The following MTFR1 variants were observed in gnomAD, a reference collection of about 807,000 sequenced individuals.
The protein encoded by MTFR1 is chondrocyte protein with a poly-proline region.
Under a neutral mutation model 38.8 loss-of-function variants are expected in MTFR1, and 28 were observed. The observed-to-expected ratio is 0.72, with a 90% CI of 0.53 to 0.99. The LOEUF (loss-of-function observed/expected upper bound fraction) is 0.99. Ranked by LOEUF, MTFR1 falls within the 50% of genes least tolerant of loss-of-function variation. The pLI is 0.00. For synonymous variants in MTFR1, 145 were observed against 137.0 expected, an observed-to-expected ratio of 1.06 and a Z score of -0.41; for missense variants, 358 against 395.5, an observed-to-expected ratio of 0.91 and a Z score of 0.81.
chr8:65,664,267 C>T (rs552755045), intron 1 of MTFR1, among the ~76,000 whole-genome samples: 1 of 152,100 alleles, frequency 6.6e-6, no homozygotes, highest in South Asian at 2.1e-4. Flanking sequence ...TTTGTAATAG[C>T]TAAAAACAGA....
At chr8:65,734,932 G>A in intron 3 of MTFR1, 2 of 1,263,854 alleles carry the variant, frequency 1.6e-6, no homozygotes, top group Non-Finnish European at 1.2e-6. Context: ...TATTGTATAT[G>A]AGCAACATAT....
intron 2 of MTFR1, among the ~76,000 whole-genome samples, chr8:65,677,737 G>A (rs946313069): frequency 1.3e-5 from 2 of 151,226 alleles, no homozygotes; most frequent in Non-Finnish European, 2.9e-5. Flanking sequence ...GGATTATCTT[G>A]CCAGGCTTGG....
intron 3 of MTFR1, among the ~76,000 whole-genome samples, chr8:65,742,687 A>G (rs1296790031): frequency 6.6e-6 from 1 of 152,196 alleles, no homozygotes. Flanking sequence ...ATATAAGCTA[A>G]AGGAATTTTT....
intron 1 of MTFR1, among the ~76,000 whole-genome samples, chr8:65,660,293 A>G (rs1809375583): frequency 1.4e-5 from 2 of 138,616 alleles, no homozygotes; most frequent in Non-Finnish European, 3.1e-5. Flanking sequence ...CTCTGTCTCA[A>G]AAAAAAAAAA....
Position 65,769,664 on chromosome 8 carries a change from C to T in MTFR1, c.*49-1283C>T, listed in dbSNP as rs138850847. Among the ~76,000 whole-genome samples, 1,012 of 152,090 alleles carry T rather than the reference C, an allele frequency of 6.7e-3. 12 individuals are homozygous for T. The highest frequency in any genetic ancestry group is 0.023 in the African/African-American group (969 of 41,484). ...TAATCCCAGCACTTTGGGAGGCTGACGCAGGCAGATGACTTGAGGTCAGGA... is the reference window on the plus strand; with the variant it reads ...TAATCCCAGCACTTTGGGAGGCTGATGCAGGCAGATGACTTGAGGTCAGGA... On this transcript the variant is annotated intron_variant, in intron 3 of 3. Coordinates refer to the MTFR1 transcript ENST00000521247.
chr8:65,683,682 ACTC>A (rs762736443), intron 3 of MTFR1, among the ~76,000 whole-genome samples: 22 of 151,212 alleles, frequency 1.5e-4, no homozygotes, highest in Non-Finnish European at 2.7e-4. Flanking sequence ...TTCTTAAATC[ACTC>A]CTCCTGGTAA....
intron 2 of MTFR1, chr8:65,719,117 T>C (rs1806268430): frequency 1.7e-6 from 1 of 602,488 alleles, no homozygotes; most frequent in South Asian, 2.0e-5. Flanking sequence ...GGTCTTGCAA[T>C]TAACAAGTGG....
chr8:65,679,893 G>A (rs1804824730), intron 2 of MTFR1, among the ~76,000 whole-genome samples: 1 of 152,036 alleles, frequency 6.6e-6, no homozygotes, highest in Non-Finnish European at 1.5e-5. Flanking sequence ...AACATTCTTT[G>A]TATACTATTC....
chr8:65,669,857 C>A lies in MTFR1; in HGVS notation c.-80-16C>A. The A allele has an allele frequency of 1.1e-6, 1 of 927,036 alleles. No individual in the cohort carries two copies. Among genetic ancestry groups the A allele is most frequent in the South Asian group, 1.5e-5 (1 of 67,854 alleles). 57.4% of individuals were successfully genotyped at this position (927,036 alleles called of 1,614,324 possible). On this transcript the variant is annotated splice_polypyrimidine_tract_variant and intron_variant, in intron 1 of 7. Coordinates refer to ENST00000262146, the MANE Select transcript of MTFR1 (RefSeq NM_014637.4). The stretch of plus-strand genomic sequence containing the variant: ...AATAATGATTTCATTTTAGTATTTG[C>A]ATTTTAAATTTTCAGTGTGTTTTAT...
At chr8:65,662,589 TG>T (rs1809465514) in intron 1 of MTFR1, among the ~76,000 whole-genome samples, 1 of 136,894 alleles carries the variant, frequency 7.3e-6, no homozygotes, top group Non-Finnish European at 1.6e-5. Context: ...CCTCTCTGCC[TG>T]GCTGCCCAGT....
chr8:65,724,785 C>T (rs1412135145), intron 3 of MTFR1: 1 of 1,604,240 alleles, frequency 6.2e-7, no homozygotes, highest in Admixed American at 1.7e-5. Context: ...ACCTGTAAAA[C>T]CAAATGTCTG....
chr8:65,742,757 T>G (rs1258113453), intron 3 of MTFR1, among the ~76,000 whole-genome samples: 1 of 152,228 alleles, frequency 6.6e-6, no homozygotes, highest in Non-Finnish European at 1.5e-5. Context: ...AGCTTTTGAA[T>G]AGCTGTAGTT....
rs118069601 is a variant in MTFR1 at position 65,757,578 on chromosome 8, T to C, written c.*49-13369T>C. On this transcript the variant is annotated intron_variant, in intron 3 of 3. Transcript: ENST00000521247. ...GGAATAATTGAGCTAAGAGATAATG[T>C]TGTCTCTTGCTCCAAGACTTTGTTT... Among the ~76,000 whole-genome samples the C allele has an allele frequency of 5.4e-4, 83 of 152,310 alleles. 5 individuals carry two copies. The East Asian group carries it at 0.016, about 29-fold the overall frequency.
intron 4 of MTFR1, 74 bp from the exon 5 acceptor site, chr8:65,704,618 TAC>T (rs1227358607): frequency 8.3e-7 from 1 of 1,203,912 alleles, no homozygotes; most frequent in Non-Finnish European, 1.2e-6. Flanking sequence ...TTAATGCGGA[TAC>T]ACTGTCAGGT....
intron 3 of MTFR1, among the ~76,000 whole-genome samples, chr8:65,740,622 G>A (rs182583274): frequency 3.4e-4 from 51 of 152,142 alleles, no homozygotes; most frequent in East Asian, 2.3e-3. Flanking sequence ...GGCTGGTCTC[G>A]AACTCCTGAC....
rs142558866 is a variant in MTFR1 at position 65,690,501 on chromosome 8, A to G, written c.166-3143A>G. Among the ~76,000 whole-genome samples, 535 of 152,306 alleles carry G rather than the reference A, an allele frequency of 3.5e-3. 4 individuals carry two copies. Among genetic ancestry groups the G allele is most frequent in the African/African-American group, 0.011 (468 of 41,580 alleles). On this transcript the variant is annotated intron_variant, in intron 3 of 7. Coordinates refer to ENST00000262146, the MANE Select transcript of MTFR1 (RefSeq NM_014637.4). The stretch of plus-strand genomic sequence containing the variant: ...GCCGAGATGGTACCACTGCACTCCA[A>G]CCTGAGTGACAGAGTGAGACCTGGT...
intron 3 of MTFR1, among the ~76,000 whole-genome samples, chr8:65,745,244 C>T (rs770434580): frequency 7.2e-5 from 11 of 152,174 alleles, no homozygotes; most frequent in East Asian, 1.9e-4. Flanking sequence ...TACCCAGTCT[C>T]GGGTATGTCT....
chr8:65,684,813 C>A (rs549671453), intron 3 of MTFR1, among the ~76,000 whole-genome samples: 4 of 151,604 alleles, frequency 2.6e-5, no homozygotes, highest in Admixed American at 2.6e-4. Context: ...GAGACCAGCC[C>A]GGCCAACATG....
At chr8:65,736,888 CTT>C (rs35543290) in intron 3 of MTFR1, among the ~76,000 whole-genome samples, 20 of 133,782 alleles carry the variant, frequency 1.5e-4, no homozygotes, top group Admixed American at 3.0e-4. Context: ...GGTATTGAGG[CTT>C]TTTTTTTTTT....
Sources: gnomAD v4.1 joint callset for allele counts (sites outside exome capture counted in the v4.1 genomes callset) on GRCh38, gnomAD v4.1.1 for gene constraint, MANE v1.5 for transcripts, NCBI Gene and HGNC (gene_info 2026-07-23, HGNC 2026-07-21) for gene names.